ESRRG: variants seen among roughly 807,000 people sequenced by gnomAD.
ESRRG encodes the protein estrogen-related receptor gamma.
Under a neutral mutation model 44.0 loss-of-function variants are expected in ESRRG, and 13 were observed. The observed-to-expected ratio is 0.30, with a 90% CI of 0.19 to 0.47. ESRRG has a LOEUF of 0.47. ESRRG is among the 20% of genes least tolerant of loss of function. The pLI, the probability that ESRRG is intolerant of heterozygous loss-of-function variation, is 1.00. For missense variants in ESRRG, 395 were observed against 580.6 expected (o/e 0.68, Z 3.29); for synonymous variants, 215 against 214.6 (o/e 1.00, Z -0.02).
intron 2 of ESRRG, among the ~76,000 whole-genome samples, chr1:216,780,320 G>A (rs952995427): frequency 6.6e-6 from 1 of 151,968 alleles, no homozygotes; most frequent in Non-Finnish European, 1.5e-5. Flanking sequence ...AATGCTCCGT[G>A]TATAAGATTT....
At chr1:216,867,755 T>C (rs987540267) in intron 2 of ESRRG, among the ~76,000 whole-genome samples, 5 of 152,164 alleles carry the variant, frequency 3.3e-5, no homozygotes, top group African/African-American at 1.2e-4. Context: ...GTGTAAAAAT[T>C]TTATTTTCTA....
chr1:216,920,471 C>G (rs976245420), intron 2 of ESRRG, among the ~76,000 whole-genome samples: 4 of 151,822 alleles, frequency 2.6e-5, no homozygotes, highest in African/African-American at 9.7e-5. Flanking sequence ...CTGGCCATGG[C>G]ACAGCCTTTC....
chr1:216,897,815 G>A (rs1186245369), intron 2 of ESRRG, among the ~76,000 whole-genome samples: 1 of 151,464 alleles, frequency 6.6e-6, no homozygotes, highest in Non-Finnish European at 1.5e-5. Context: ...AAAAAAAAGT[G>A]AGCTATCACC....
intron 5 of ESRRG, among the ~76,000 whole-genome samples, chr1:216,535,202 A>C (rs2050579526): frequency 6.6e-6 from 1 of 152,132 alleles, no homozygotes; most frequent in Admixed American, 6.6e-5. Flanking sequence ...CTTCAGTGCA[A>C]TCTCAGCTAC....
At chr1:216,722,748 T>C (rs2086626225) in intron 1 of ESRRG, among the ~76,000 whole-genome samples, 1 of 152,214 alleles carries the variant, frequency 6.6e-6, no homozygotes. Context: ...AATTGTTCTC[T>C]GAAGGAGAAT....
At chr1:216,853,322 C>A (rs1156883460) in intron 2 of ESRRG, among the ~76,000 whole-genome samples, 2 of 152,184 alleles carry the variant, frequency 1.3e-5, no homozygotes, top group Non-Finnish European at 2.9e-5. Flanking sequence ...TGCCAGTTCG[C>A]TCTGAAATAT....
Position 216,599,462 on chromosome 1 carries a change from A to C in ESRRG, c.590-31364T>G, listed in dbSNP as rs927862326. Among the ~76,000 whole-genome samples, 4 of 152,292 alleles carry C rather than the reference A, an allele frequency of 2.6e-5. No homozygotes were observed. In the South Asian group the frequency reaches 8.3e-4, roughly 32 times the overall value. ...ATTTTGAAAATGAATTATTCCACTT[A>C]ACAAGGAAAAAAAATCCTTTCGATT... On this transcript the variant is annotated intron_variant, in intron 3 of 6. Coordinates refer to ENST00000408911, the MANE Select transcript of ESRRG (RefSeq NM_001438.4).
intron 2 of ESRRG, among the ~76,000 whole-genome samples, chr1:216,787,130 T>C (rs913953613): frequency 1.3e-5 from 2 of 152,140 alleles, no homozygotes; most frequent in Admixed American, 6.6e-5. Flanking sequence ...TGATCGTTAA[T>C]GTTACTGTTG....
At chr1:217,110,441 G>T (rs1353377029) in intron 1 of ESRRG, among the ~76,000 whole-genome samples, 1 of 152,096 alleles carries the variant, frequency 6.6e-6, no homozygotes, top group Non-Finnish European at 1.5e-5. Context: ...GGCCATTCTT[G>T]CATTCCTATA....
intron 5 of ESRRG, among the ~76,000 whole-genome samples, chr1:216,557,407 A>T (rs11572788): frequency 0.021 from 3,141 of 152,264 alleles, 116 homozygotes; most frequent in African/African-American, 0.072. Flanking sequence ...GATATAAGGA[A>T]GCCACTGTTA....
intron 2 of ESRRG, among the ~76,000 whole-genome samples, chr1:216,932,975 G>C (rs890699978): frequency 5.9e-5 from 9 of 151,834 alleles, no homozygotes; most frequent in African/African-American, 2.2e-4. Context: ...ACAGGAGTAA[G>C]ACCACAAGAA....
At chr1:216,730,450 C>A (rs569242617) in intron 2 of ESRRG, among the ~76,000 whole-genome samples, 6 of 152,152 alleles carry the variant, frequency 3.9e-5, no homozygotes, top group African/African-American at 1.2e-4. Flanking sequence ...TTTTAACTAT[C>A]ATTTCCTTCA....
intron 2 of ESRRG, among the ~76,000 whole-genome samples, chr1:216,827,226 T>C (rs889717749): frequency 6.6e-6 from 1 of 152,222 alleles, no homozygotes; most frequent in Non-Finnish European, 1.5e-5. Context: ...AGAATTAGTT[T>C]AAAAATAACA....
At chr1:216,634,787 G>T (rs1481307096) in intron 3 of ESRRG, among the ~76,000 whole-genome samples, 1 of 152,086 alleles carries the variant, frequency 6.6e-6, no homozygotes, top group African/African-American at 2.4e-5. Flanking sequence ...CGTGTGGGTT[G>T]GTGGGTTACA....
intron 5 of ESRRG, among the ~76,000 whole-genome samples, chr1:216,525,309 C>T (rs1039649003): frequency 6.6e-6 from 1 of 152,098 alleles, no homozygotes; most frequent in African/African-American, 2.4e-5. Context: ...ACCATCTACA[C>T]GGAGTGTGCA....
chr1:216,987,564 T>G (rs369468227), intron 1 of ESRRG, among the ~76,000 whole-genome samples: 1 of 152,362 alleles, frequency 6.6e-6, no homozygotes, highest in African/African-American at 2.4e-5. Context: ...ACAGAGAGTT[T>G]TATCTCTATT....
intron 2 of ESRRG, among the ~76,000 whole-genome samples, chr1:216,736,517 T>C (rs984412081): frequency 6.6e-6 from 1 of 152,044 alleles, no homozygotes; most frequent in Admixed American, 6.6e-5. Context: ...ATTTATCCCC[T>C]CAAGTTGACG....
At chr1:216,617,334 A>T (rs1040654614) in intron 3 of ESRRG, among the ~76,000 whole-genome samples, 2 of 152,092 alleles carry the variant, frequency 1.3e-5, no homozygotes, top group East Asian at 3.9e-4. Context: ...ATGTTTCTTG[A>T]TGTGTAACAT....
intron 1 of ESRRG, among the ~76,000 whole-genome samples, chr1:217,014,177 G>A (rs912738965): frequency 6.6e-6 from 1 of 151,968 alleles, no homozygotes; most frequent in African/African-American, 2.4e-5. Flanking sequence ...ATTTAAATTT[G>A]GAACCTGCAT....
Sources: allele counts gnomAD v4.1 joint callset (sites outside exome capture counted in the v4.1 genomes callset), GRCh38; gene constraint gnomAD v4.1.1; transcripts MANE v1.5; gene names NCBI Gene and HGNC (gene_info 2026-07-23, HGNC 2026-07-21).